PTPRN2: variants seen among roughly 807,000 people sequenced by gnomAD.
PTPRN2 encodes protein tyrosine phosphatase receptor type N2, also known as receptor-type tyrosine-protein phosphatase N2.
A neutral mutation model predicts 118.8 loss-of-function variants in PTPRN2; 74 were observed. The ratio of observed to expected loss-of-function variants is 0.62; its 90% CI spans 0.52 to 0.76. PTPRN2 has a LOEUF of 0.76. PTPRN2 is among the 30% of genes least tolerant of loss of function. The probability of loss-of-function intolerance (pLI) is 0.00; values close to 1 mark genes in which losing one functional copy is unlikely to be tolerated. For missense variants in PTPRN2, 1,481 were observed against 1,394.4 expected (o/e 1.06, Z -0.99); for synonymous variants, 641 against 608.0 (o/e 1.05, Z -0.80).
chr7:158,434,286 A>T (rs1268757440), intron 2 of PTPRN2, among the ~76,000 whole-genome samples: 2 of 152,212 alleles, frequency 1.3e-5, no homozygotes, highest in Non-Finnish European at 2.9e-5. Context: ...ATAAAAACAA[A>T]CATGCATAAA....
chr7:158,144,638 A>G (rs1819717205), intron 6 of PTPRN2, among the ~76,000 whole-genome samples: 1 of 152,072 alleles, frequency 6.6e-6, no homozygotes, highest in Admixed American at 6.5e-5. Flanking sequence ...GAGAAGGGGA[A>G]GGGGAAGGGG....
At chr7:157,595,106 T>C (rs2150563738) in intron 17 of PTPRN2, 132 bp downstream of exon 17, 1 of 818,096 alleles carries the variant, frequency 1.2e-6, no homozygotes, top group East Asian at 2.7e-5. Context: ...AGACTGAAAT[T>C]CTGATATAAG....
intron 2 of PTPRN2, among the ~76,000 whole-genome samples, chr7:158,364,976 C>T (rs1481809777): frequency 7.9e-5 from 1 of 12,588 alleles, no homozygotes; most frequent in Non-Finnish European, 1.7e-4. Flanking sequence ...CCACAACACA[C>T]ACATTCACAC....
intron 12 of PTPRN2, among the ~76,000 whole-genome samples, chr7:157,894,108 T>C (rs1158135267): frequency 2.0e-5 from 3 of 152,168 alleles, no homozygotes; most frequent in Admixed American, 2.0e-4. Context: ...TAGGAATGAA[T>C]GAACGAACAG....
intron 11 of PTPRN2, among the ~76,000 whole-genome samples, chr7:157,910,993 C>T (rs116709269): frequency 0.016 from 2,425 of 152,316 alleles, 58 homozygotes; most frequent in African/African-American, 0.055. Flanking sequence ...AAGCTTAATT[C>T]CCAGAGAGGG....
At chr7:158,025,420 C>A (rs1807193349) in intron 11 of PTPRN2, among the ~76,000 whole-genome samples, 1 of 152,184 alleles carries the variant, frequency 6.6e-6, no homozygotes, top group Non-Finnish European at 1.5e-5. Flanking sequence ...CCTGGCACCC[C>A]CAGCACGGCC....
intron 1 of PTPRN2, among the ~76,000 whole-genome samples, chr7:158,513,901 T>C (rs78564091): frequency 0.017 from 2,520 of 152,328 alleles, 69 homozygotes; most frequent in African/African-American, 0.057. Context: ...TGAAAAATTA[T>C]ACAAGTTATG....
At chr7:158,199,165 C>T (rs1423401859) in intron 4 of PTPRN2, among the ~76,000 whole-genome samples, 3 of 152,070 alleles carry the variant, frequency 2.0e-5, no homozygotes, top group Non-Finnish European at 4.4e-5. Flanking sequence ...GTTCTCAGGT[C>T]CTCCTTAGTC....
chr7:157,746,821 G>A (rs937358769), intron 12 of PTPRN2, among the ~76,000 whole-genome samples: 5 of 152,272 alleles, frequency 3.3e-5, no homozygotes, highest in African/African-American at 1.2e-4. Context: ...GTGGGAATCC[G>A]CATGTGTTGA....
chr7:158,401,662 A>G (rs2151405500), intron 2 of PTPRN2, among the ~76,000 whole-genome samples: 1 of 152,394 alleles, frequency 6.6e-6, no homozygotes, highest in East Asian at 1.9e-4. Context: ...AATTCTTAGG[A>G]AGAAATGTCT....
chr7:157,628,784 G>T (rs968363884), intron 14 of PTPRN2, among the ~76,000 whole-genome samples: 2 of 152,196 alleles, frequency 1.3e-5, no homozygotes, highest in Non-Finnish European at 2.9e-5. Flanking sequence ...GTACTGGAAA[G>T]ACTCCTGAGT....
chr7:158,405,177 C>A lies in PTPRN2; in HGVS notation c.163+84558G>T, dbSNP rs73729798. 2.6e-5 allele frequency among the ~76,000 whole-genome samples: 4 copies of A among 152,090 alleles called. 1 individual carries two copies. Among genetic ancestry groups the A allele is most frequent in the Non-Finnish European group, 5.9e-5 (4 of 67,974 alleles). On this transcript the variant is annotated intron_variant, in intron 2 of 22. Transcript: ENST00000389418. ...AAGACAGCATCACGAACATCCACAC[C>A]CCCTAGGATGCCTGGAGTCCACATC...
intron 3 of PTPRN2, among the ~76,000 whole-genome samples, chr7:158,278,550 T>C (rs1350961423): frequency 6.6e-6 from 1 of 152,152 alleles, no homozygotes; most frequent in Non-Finnish European, 1.5e-5. Flanking sequence ...CAACAATCAA[T>C]ACAAACCAAT....
At chr7:157,991,568 G>T (rs1335422963) in intron 11 of PTPRN2, among the ~76,000 whole-genome samples, 2 of 152,202 alleles carry the variant, frequency 1.3e-5, no homozygotes, top group African/African-American at 4.8e-5. Context: ...GAGGGAGGGT[G>T]AGGGAGGGCG....
chr7:158,336,718 A>C (rs1186599681), intron 2 of PTPRN2, among the ~76,000 whole-genome samples: 1 of 119,902 alleles, frequency 8.3e-6, no homozygotes, highest in Admixed American at 8.5e-5. Flanking sequence ...CCACACTCTC[A>C]CCAAAAGAGC....
chr7:158,439,127 C>G (rs546001690), intron 2 of PTPRN2, among the ~76,000 whole-genome samples: 18 of 152,338 alleles, frequency 1.2e-4, no homozygotes, highest in African/African-American at 3.8e-4. Context: ...TCCAGTCATC[C>G]CGCCTTACTG....
chr7:158,071,068 C>T (rs1405897232), intron 11 of PTPRN2, among the ~76,000 whole-genome samples: 2 of 53,580 alleles, frequency 3.7e-5, no homozygotes, highest in South Asian at 8.3e-4. Flanking sequence ...TGGAGGTGCT[C>T]GTGGTGGTGG....
At chr7:158,130,277 T>C (rs1318514373) in intron 9 of PTPRN2, among the ~76,000 whole-genome samples, 1 of 152,092 alleles carries the variant, frequency 6.6e-6, no homozygotes, top group Non-Finnish European at 1.5e-5. Context: ...CGAATGATCC[T>C]CAAAATAAGA....
At chr7:158,206,796 T>A (rs1470448457) in intron 3 of PTPRN2, among the ~76,000 whole-genome samples, 1 of 151,804 alleles carries the variant, frequency 6.6e-6, no homozygotes, top group African/African-American at 2.4e-5. Context: ...TTTCTTTTTT[T>A]TTTTTAATTT....
Sources: allele counts gnomAD v4.1 joint callset (sites outside exome capture counted in the v4.1 genomes callset), GRCh38; gene constraint gnomAD v4.1.1; transcripts MANE v1.5; gene names NCBI Gene and HGNC (gene_info 2026-07-23, HGNC 2026-07-21).